The following BACH2 variants were observed in gnomAD, a reference collection of about 807,000 sequenced individuals.
BACH2 encodes the protein transcription regulator protein BACH2.
Under a neutral mutation model 61.8 loss-of-function variants are expected in BACH2, and 5 were observed. The ratio of observed to expected loss-of-function variants is 0.08; its 90% CI spans 0.04 to 0.17. The LOEUF (loss-of-function observed/expected upper bound fraction) is 0.17, where lower values mean the gene tolerates loss of function less well. Ranked by LOEUF, BACH2 falls within the 10% of genes least tolerant of loss-of-function variation. BACH2 has a pLI of 1.00. For synonymous variants in BACH2, 446 were observed against 440.1 expected (o/e 1.01, Z -0.17); for missense variants, 824 against 1,091.1 (o/e 0.76, Z 3.45).
intron 5 of BACH2, among the ~76,000 whole-genome samples, chr6:90,011,499 CTCTG>C (rs1427982715): frequency 6.6e-6 from 1 of 152,128 alleles, no homozygotes; most frequent in East Asian, 1.9e-4. Flanking sequence ...TATTTATGGA[CTCTG>C]TCTTTTACTA....
chr6:90,079,972 G>C (rs1392964447), intron 5 of BACH2, among the ~76,000 whole-genome samples: 1 of 150,892 alleles, frequency 6.6e-6, no homozygotes, highest in Non-Finnish European at 1.5e-5. Context: ...ACTTACCAAT[G>C]GGCATTTTCA....
rs553978686 is a variant in BACH2, at chr6:90,059,019, C to A, written c.-13+29942G>T. 2.1e-4 allele frequency among the ~76,000 whole-genome samples: 32 copies of A among 152,276 alleles called. No individual in the cohort carries two copies. The South Asian group carries it at 6.2e-3, about 30-fold the overall frequency. On this transcript the variant is annotated intron_variant, in intron 5 of 8. Coordinates refer to ENST00000257749, the MANE Select transcript of BACH2 (RefSeq NM_021813.4). ...AATGTTAGACCTAAAACCATAAAAACCCTAGAAGAAAACTTAGGCATTACC... is the reference window on the plus strand; with the variant it reads ...AATGTTAGACCTAAAACCATAAAAAACCTAGAAGAAAACTTAGGCATTACC...
chr6:90,217,622 T>C (rs866404909), intron 3 of BACH2, among the ~76,000 whole-genome samples: 4 of 152,210 alleles, frequency 2.6e-5, no homozygotes, highest in African/African-American at 9.6e-5. Context: ...GATAATCTAC[T>C]CACTATTCTT....
At chr6:90,162,601 C>T (rs1029010778) in intron 4 of BACH2, among the ~76,000 whole-genome samples, 1 of 152,066 alleles carries the variant, frequency 6.6e-6, no homozygotes, top group Non-Finnish European at 1.5e-5. Context: ...GTGATCATGC[C>T]ACTACATTCC....
At chr6:90,199,767 C>T (rs1221052119) in intron 4 of BACH2, among the ~76,000 whole-genome samples, 2 of 152,144 alleles carry the variant, frequency 1.3e-5, no homozygotes, top group Non-Finnish European at 2.9e-5. Flanking sequence ...TTTGGCTTCA[C>T]AAACTCTATA....
intron 5 of BACH2, among the ~76,000 whole-genome samples, chr6:90,029,442 C>G (rs1283626373): frequency 2.0e-5 from 3 of 152,140 alleles, no homozygotes; most frequent in Admixed American, 1.3e-4. Flanking sequence ...CCTCCCTAAC[C>G]ACCCTGCTCC....
At chr6:90,189,738 T>C (rs1308449632) in intron 4 of BACH2, among the ~76,000 whole-genome samples, 2 of 152,206 alleles carry the variant, frequency 1.3e-5, no homozygotes, top group Non-Finnish European at 2.9e-5. Context: ...CAAGTATTTT[T>C]CTTTATTCTT....
At chr6:90,276,596 T>C (rs2127884203) in intron 1 of BACH2, among the ~76,000 whole-genome samples, 1 of 152,358 alleles carries the variant, frequency 6.6e-6, no homozygotes, top group Non-Finnish European at 1.5e-5. Context: ...CAAATTCTTT[T>C]GCCTACAGAT....
At chr6:90,005,073 G>A (rs1228875496) in intron 6 of BACH2, among the ~76,000 whole-genome samples, 1 of 152,084 alleles carries the variant, frequency 6.6e-6, no homozygotes, top group African/African-American at 2.4e-5. Context: ...AGACTATGCT[G>A]GGCTCTGTGA....
intron 6 of BACH2, among the ~76,000 whole-genome samples, chr6:89,983,568 C>T (rs9344980): frequency 0.057 from 8,608 of 152,162 alleles, 259 homozygotes; most frequent in Non-Finnish European, 0.069. Context: ...ACTCGGGAGG[C>T]TGAGGCAGGA....
At chr6:90,058,162 A>T (rs538068306) in intron 5 of BACH2, among the ~76,000 whole-genome samples, 186 of 152,346 alleles carry the variant, frequency 1.2e-3, no homozygotes, top group African/African-American at 4.4e-3. Flanking sequence ...GTATTCAATT[A>T]GGAAAAGAGG....
At chr6:90,061,846 T>C (rs1008435817) in intron 5 of BACH2, among the ~76,000 whole-genome samples, 3 of 152,200 alleles carry the variant, frequency 2.0e-5, no homozygotes, top group Non-Finnish European at 4.4e-5. Flanking sequence ...AGCTTTGATC[T>C]GAACAGTTCT....
At chr6:90,163,727 G>A (rs1004321996) in intron 4 of BACH2, among the ~76,000 whole-genome samples, 6 of 152,158 alleles carry the variant, frequency 3.9e-5, no homozygotes, top group African/African-American at 1.4e-4. Flanking sequence ...ATACAGCTTA[G>A]TTTCCCAGAG....
At chr6:89,987,420 A>T (rs1776303154) in intron 6 of BACH2, among the ~76,000 whole-genome samples, 1 of 152,142 alleles carries the variant, frequency 6.6e-6, no homozygotes, top group Admixed American at 6.5e-5. Flanking sequence ...GATCACACTG[A>T]TCACTGAGTC....
chr6:90,186,970 C>T (rs1192056125), intron 4 of BACH2, among the ~76,000 whole-genome samples: 5 of 152,148 alleles, frequency 3.3e-5, no homozygotes, highest in African/African-American at 1.2e-4. Flanking sequence ...AGTGTGAAAT[C>T]AAAAGCAATG....
chr6:90,146,246 T>C (rs903869746), intron 4 of BACH2, among the ~76,000 whole-genome samples: 9 of 152,372 alleles, frequency 5.9e-5, no homozygotes, highest in Admixed American at 2.0e-4. Context: ...CTCTATGACA[T>C]AATGTACTGA....
intron 8 of BACH2, among the ~76,000 whole-genome samples, chr6:89,935,087 G>A (rs763780441): frequency 1.8e-4 from 28 of 152,130 alleles, no homozygotes; most frequent in Non-Finnish European, 3.2e-4. Context: ...GCTGAGTGGC[G>A]GGTGTGTGGG....
chr6:90,289,406 A>G (rs1456704047), intron 1 of BACH2, among the ~76,000 whole-genome samples: 1 of 152,234 alleles, frequency 6.6e-6, no homozygotes, highest in African/African-American at 2.4e-5. Context: ...CACACAGAGG[A>G]AGCTCTCAAT....
At chr6:90,036,544 A>G (rs528995242) in intron 5 of BACH2, among the ~76,000 whole-genome samples, 1 of 152,312 alleles carries the variant, frequency 6.6e-6, no homozygotes, top group East Asian at 1.9e-4. Context: ...CCCATCACTT[A>G]GATTCCACGA....
Sources: gnomAD v4.1 joint callset for allele counts (sites outside exome capture counted in the v4.1 genomes callset) on GRCh38, gnomAD v4.1.1 for gene constraint, MANE v1.5 for transcripts, NCBI Gene and HGNC (gene_info 2026-07-23, HGNC 2026-07-21) for gene names.